The following TCF7L1 variants were observed in gnomAD, a reference collection of about 807,000 sequenced individuals.
TCF7L1 encodes the protein transcription factor 7-like 1.
Under a neutral mutation model 63.7 loss-of-function variants are expected in TCF7L1, and 18 were observed. That is an observed-to-expected ratio of 0.28 (90% CI 0.20 to 0.42). The LOEUF is 0.42. Among genes scored for constraint, TCF7L1 ranks in the 10% least tolerant of loss-of-function variants. TCF7L1 has a pLI of 1.00. For missense variants in TCF7L1, 654 were observed against 779.3 expected, an observed-to-expected ratio of 0.84 and a Z score of 1.91; for synonymous variants, 355 against 340.9, an observed-to-expected ratio of 1.04 and a Z score of -0.46.
intron 3 of TCF7L1, among the ~76,000 whole-genome samples, chr2:85,179,634 T>C (rs1260022042): frequency 2.6e-5 from 4 of 152,164 alleles, no homozygotes; most frequent in Non-Finnish European, 5.9e-5. Flanking sequence ...CCTCCCTTGC[T>C]CTGCTCACAC....
chr2:85,143,314 CA>C (rs1340127680), intron 3 of TCF7L1, among the ~76,000 whole-genome samples: 2 of 152,130 alleles, frequency 1.3e-5, no homozygotes, highest in East Asian at 3.9e-4. Flanking sequence ...CCCAGGGAGT[CA>C]AAAAATACTA....
At chr2:85,308,530 C>CCCTCCCTCCTTTT in intron 11 of TCF7L1, among the ~76,000 whole-genome samples, 2 of 110,634 alleles carry the variant, frequency 1.8e-5, no homozygotes, top group South Asian at 7.0e-4. Context: ...CTTTCTCCTT[C>CCCTCCCTCCTTTT]CGCCCTCCCT....
At chr2:85,299,860 A>AACACACACACACACACACACAC (rs61569778) in intron 4 of TCF7L1, among the ~76,000 whole-genome samples, 5,510 of 92,608 alleles carry the variant, frequency 0.059, 606 homozygotes, top group East Asian at 0.12. Context: ...CCTTGTCTCA[A>AACACACACACACACACACACAC]ACACACACAC....
intron 3 of TCF7L1, among the ~76,000 whole-genome samples, chr2:85,172,715 C>G (rs144729973): frequency 6.6e-6 from 1 of 152,158 alleles, no homozygotes; most frequent in Admixed American, 6.5e-5. Context: ...CGTGAGCCAC[C>G]GCGCCCGGCC....
intron 3 of TCF7L1, among the ~76,000 whole-genome samples, chr2:85,214,806 C>A (rs1449814370): frequency 3.3e-5 from 5 of 152,162 alleles, no homozygotes; most frequent in Non-Finnish European, 7.3e-5. Context: ...TATGCTATAT[C>A]TCAGTGAATA....
chr2:85,270,131 G>A (rs1003943138), intron 3 of TCF7L1, among the ~76,000 whole-genome samples: 8 of 152,200 alleles, frequency 5.3e-5, no homozygotes, highest in Non-Finnish European at 8.8e-5. Flanking sequence ...CAGGCTGCCT[G>A]GCTGTTCTTT....
intron 3 of TCF7L1, among the ~76,000 whole-genome samples, chr2:85,266,053 A>G (rs1048393946): frequency 6.6e-6 from 1 of 152,226 alleles, no homozygotes; most frequent in Admixed American, 6.5e-5. Context: ...CCCATTACAC[A>G]GGTGGAAATA....
At chr2:85,152,501 C>A (rs1342332475) in intron 3 of TCF7L1, among the ~76,000 whole-genome samples, 1 of 144,074 alleles carries the variant, frequency 6.9e-6, no homozygotes, top group Admixed American at 7.2e-5. Flanking sequence ...GGGGCGCGAT[C>A]TTGGCTCACT....
Position 85,134,208 on chromosome 2 carries a change from C to T in TCF7L1, c.314-115C>T. On this transcript the variant is annotated intron_variant, in intron 2 of 11. Coordinates refer to ENST00000282111, the MANE Select transcript of TCF7L1 (RefSeq NM_031283.3). The surrounding 1 kb of genome is among the most constrained non-coding windows in gnomAD (Gnocchi z 5.0). ...CCCTCCGCCTTTATTGGCGGCAGCC[C>T]CCGTGGGGCGCGCGTGGGGGGCGCT... 2.7e-6 allele frequency: 4 copies of T among 1,483,754 alleles called. No homozygotes were observed. Among genetic ancestry groups the T allele is most frequent in the Non-Finnish European group, 9.0e-7 (1 of 1,115,074 alleles). The allele number at this position is 1,483,754 out of a possible 1,614,324, so 91.9% of individuals were successfully genotyped here. A position where few individuals can be genotyped will look rare whatever the true frequency, so the allele number is the denominator to read the frequency against.
intron 4 of TCF7L1, among the ~76,000 whole-genome samples, chr2:85,295,887 C>T (rs944025498): frequency 6.8e-6 from 1 of 148,014 alleles, no homozygotes; most frequent in Non-Finnish European, 1.5e-5. Context: ...AAGTGATTCT[C>T]CTGCCTCAGC....
intron 3 of TCF7L1, among the ~76,000 whole-genome samples, chr2:85,236,680 G>A (rs777308540): frequency 6.6e-6 from 1 of 152,096 alleles, no homozygotes; most frequent in Non-Finnish European, 1.5e-5. Flanking sequence ...CATGCTCTGG[G>A]GGCTGTGTTG....
intron 4 of TCF7L1, among the ~76,000 whole-genome samples, chr2:85,285,219 C>T (rs989270344): frequency 5.3e-5 from 8 of 150,974 alleles, no homozygotes; most frequent in South Asian, 2.1e-4. Flanking sequence ...GGTGACAGAG[C>T]GAGACTCTGT....
intron 3 of TCF7L1, among the ~76,000 whole-genome samples, chr2:85,151,466 C>G (rs568942864): frequency 1.3e-5 from 2 of 152,138 alleles, no homozygotes; most frequent in Non-Finnish European, 2.9e-5. Context: ...ATGTTGTTTT[C>G]CATCAGAGAT....
intron 3 of TCF7L1, among the ~76,000 whole-genome samples, chr2:85,183,268 A>G (rs1178543676): frequency 6.6e-6 from 1 of 152,188 alleles, no homozygotes. Flanking sequence ...ATGCCTTTCA[A>G]GAAGGCAGAT....
At chr2:85,268,471 C>CTT (rs554305734) in intron 3 of TCF7L1, among the ~76,000 whole-genome samples, 41,783 of 134,594 alleles carry the variant, frequency 0.31, 8,148 homozygotes, top group Non-Finnish European at 0.43. Context: ...GATTGGATGC[C>CTT]TTTTTTTTTT....
chr2:85,256,562 C>T (rs904860436), intron 3 of TCF7L1, among the ~76,000 whole-genome samples: 2 of 152,144 alleles, frequency 1.3e-5, no homozygotes, highest in East Asian at 1.9e-4. Flanking sequence ...TGTGTGTAGG[C>T]GGGACACTGG....
intron 3 of TCF7L1, among the ~76,000 whole-genome samples, chr2:85,174,169 C>A (rs757518713): frequency 2.6e-5 from 4 of 152,158 alleles, no homozygotes; most frequent in Non-Finnish European, 4.4e-5. Flanking sequence ...TCTCCCCCAA[C>A]CTTTGGCAGC....
intron 3 of TCF7L1, among the ~76,000 whole-genome samples, chr2:85,283,158 G>A (rs1446512871): frequency 6.6e-6 from 1 of 152,044 alleles, no homozygotes; most frequent in African/African-American, 2.4e-5. Flanking sequence ...ACAGCATAGG[G>A]AGGGGACTTG....
chr2:85,308,414 C>CCCCT (rs1682176685), intron 11 of TCF7L1, among the ~76,000 whole-genome samples: 2 of 113,036 alleles, frequency 1.8e-5, no homozygotes, highest in African/African-American at 1.0e-4. Flanking sequence ...CCTCCCTTTC[C>CCCCT]CCTTCCCTCC....
Sources: gnomAD v4.1 joint callset for allele counts (sites outside exome capture counted in the v4.1 genomes callset) on GRCh38, gnomAD v4.1.1 for gene constraint, Gnocchi (gnomAD v3.1) non-coding constraint, MANE v1.5 for transcripts, NCBI Gene and HGNC (gene_info 2026-07-23, HGNC 2026-07-21) for gene names.